The following PGCKA1 variants were observed in gnomAD, a reference collection of about 807,000 sequenced individuals.
PGCKA1 encodes the protein PDCD10 and GCKIII kinases-associated protein 1.
chr4:37,582,608 T>TC, the PGCKA1 span, among the ~76,000 whole-genome samples: 3 of 152,250 alleles, frequency 2.0e-5, no homozygotes, highest in African/African-American at 7.2e-5. Flanking sequence ...TACAGGCCAG[T>TC]TGCTTTGCAG....
chr4:37,551,695 C>T, the PGCKA1 span, among the ~76,000 whole-genome samples: 1 of 152,310 alleles, frequency 6.6e-6, no homozygotes, highest in Admixed American at 6.5e-5. Flanking sequence ...AAGTGTAGCA[C>T]AGATTCAACC....
chr4:37,554,911 C>T, the PGCKA1 span, among the ~76,000 whole-genome samples: 10 of 152,080 alleles, frequency 6.6e-5, no homozygotes, highest in Non-Finnish European at 4.4e-5. Context: ...CCATGGATGT[C>T]GTATTGTAGA....
At chr4:37,494,628 T>G in the PGCKA1 span, among the ~76,000 whole-genome samples, 1 of 152,234 alleles carries the variant, frequency 6.6e-6, no homozygotes, top group South Asian at 2.1e-4. Flanking sequence ...TATATTCCTT[T>G]GGGTATATAC....
chr4:37,541,827 A>G, the PGCKA1 span, among the ~76,000 whole-genome samples: 2 of 152,126 alleles, frequency 1.3e-5, no homozygotes, highest in Non-Finnish European at 2.9e-5. Flanking sequence ...AGAGGCCGAA[A>G]AAGACATCTA....
the PGCKA1 span, among the ~76,000 whole-genome samples, chr4:37,569,107 G>C: frequency 3.3e-5 from 5 of 151,930 alleles, no homozygotes; most frequent in Admixed American, 6.6e-5. Flanking sequence ...AAAAAAAAAG[G>C]GGGGGAGAGA....
the PGCKA1 span, among the ~76,000 whole-genome samples, chr4:37,563,013 T>C: frequency 2.0e-5 from 3 of 152,210 alleles, no homozygotes; most frequent in African/African-American, 7.2e-5. Flanking sequence ...TACTGTACTT[T>C]AAAGGAATAT....
the PGCKA1 span, among the ~76,000 whole-genome samples, chr4:37,587,264 C>G: frequency 7.2e-5 from 11 of 152,200 alleles, no homozygotes; most frequent in African/African-American, 2.6e-4. Context: ...GCAAATTGTA[C>G]CATCTGAAAA....
the PGCKA1 span, among the ~76,000 whole-genome samples, chr4:37,551,294 C>A: frequency 6.7e-6 from 1 of 148,586 alleles, no homozygotes; most frequent in South Asian, 2.1e-4. Flanking sequence ...CCACAAAAAA[C>A]GAAGCGTAGC....
At chr4:37,578,914 G>A in the PGCKA1 span, among the ~76,000 whole-genome samples, 2 of 151,904 alleles carry the variant, frequency 1.3e-5, no homozygotes, top group Admixed American at 6.6e-5. Context: ...AAAAATTAGC[G>A]AGGCATGGTG....
the PGCKA1 span, among the ~76,000 whole-genome samples, chr4:37,543,365 G>A: frequency 2.0e-5 from 3 of 152,070 alleles, no homozygotes; most frequent in Admixed American, 6.5e-5. Flanking sequence ...GCTAAACCAG[G>A]GAGTGGATTA....
the PGCKA1 span, among the ~76,000 whole-genome samples, chr4:37,486,443 G>T: frequency 5.9e-5 from 9 of 152,140 alleles, no homozygotes; most frequent in Admixed American, 5.9e-4. Flanking sequence ...GACATTCAGA[G>T]ACAGTTAATC....
the PGCKA1 span, among the ~76,000 whole-genome samples, chr4:37,530,637 C>T: frequency 5.3e-5 from 8 of 151,010 alleles, no homozygotes; most frequent in African/African-American, 1.9e-4. Flanking sequence ...AGAATGATTG[C>T]CACTGGGCTT....
the PGCKA1 span, among the ~76,000 whole-genome samples, chr4:37,570,701 G>A: frequency 6.6e-6 from 1 of 152,180 alleles, no homozygotes; most frequent in African/African-American, 2.4e-5. Context: ...CAAATTGTTG[G>A]AAATTTACAT....
At chr4:37,519,625 C>T in the PGCKA1 span, among the ~76,000 whole-genome samples, 2 of 152,184 alleles carry the variant, frequency 1.3e-5, no homozygotes, top group Admixed American at 6.5e-5. Context: ...TATCCTGCTG[C>T]AACTTTACTG....
chr4:37,533,835 G>C, the PGCKA1 span, among the ~76,000 whole-genome samples: 29 of 152,352 alleles, frequency 1.9e-4, no homozygotes, highest in East Asian at 4.4e-3. Context: ...AGGGAAGTAA[G>C]TGGATTGCCA....
the PGCKA1 span, among the ~76,000 whole-genome samples, chr4:37,534,663 G>C: frequency 1.3e-5 from 2 of 152,156 alleles, no homozygotes; most frequent in African/African-American, 4.8e-5. Context: ...TCTGGCGAGG[G>C]CTTGCTGTCA....
chr4:37,467,386 C>G, the PGCKA1 span, among the ~76,000 whole-genome samples: 1 of 152,160 alleles, frequency 6.6e-6, no homozygotes, highest in Non-Finnish European at 1.5e-5. Context: ...TTGCAACTCT[C>G]ATGTTTACTT....
the PGCKA1 span, among the ~76,000 whole-genome samples, chr4:37,532,962 G>GGGAACAGT: frequency 6.6e-6 from 1 of 150,484 alleles, no homozygotes; most frequent in Admixed American, 6.6e-5. Flanking sequence ...GGGACTTGGG[G>GGGAACAGT]GGAACAGTGG....
chr4:37,571,294 A>G, the PGCKA1 span, among the ~76,000 whole-genome samples: 1 of 150,234 alleles, frequency 6.7e-6, no homozygotes, highest in Non-Finnish European at 1.5e-5. Flanking sequence ...AGGTTGGTAG[A>G]CTTTTGATGA....
Sources: allele counts gnomAD v4.1 joint callset (sites outside exome capture counted in the v4.1 genomes callset), GRCh38; gene constraint gnomAD v4.1.1; transcripts MANE v1.5; gene names NCBI Gene and HGNC (gene_info 2026-07-23, HGNC 2026-07-21).